The following LIN7A variants were observed in gnomAD, a reference collection of about 807,000 sequenced individuals.
LIN7A encodes protein lin-7 homolog A.
Under a neutral mutation model 29.8 loss-of-function variants are expected in LIN7A, and 25 were observed. The ratio of observed to expected loss-of-function variants is 0.84; its 90% CI spans 0.61 to 1.17. LIN7A has a LOEUF of 1.17. Among genes scored for constraint, LIN7A ranks in the 50% most tolerant of loss-of-function variants. The probability of loss-of-function intolerance (pLI) is 0.00; values close to 1 mark genes in which losing one functional copy is unlikely to be tolerated. For missense variants in LIN7A, 239 were observed against 287.0 expected (o/e 0.83, Z 1.21); for synonymous variants, 118 against 107.5 (o/e 1.10, Z -0.60).
chr12:80,834,136 G>C, intron 4 of LIN7A, among the ~76,000 whole-genome samples: 2 of 152,186 alleles, frequency 1.3e-5, no homozygotes, highest in South Asian at 4.2e-4. Flanking sequence ...CATTTTACTC[G>C]ATTTTTAAGT....
At chr12:80,928,504 A>C (rs1877725675) in intron 1 of LIN7A, among the ~76,000 whole-genome samples, 1 of 152,112 alleles carries the variant, frequency 6.6e-6, no homozygotes, top group Non-Finnish European at 1.5e-5. Context: ...TCTTTTGAGG[A>C]ATGTCTGTTC....
intron 1 of LIN7A, among the ~76,000 whole-genome samples, chr12:80,927,955 G>T (rs568981531): frequency 2.0e-4 from 31 of 152,240 alleles, no homozygotes; most frequent in African/African-American, 7.2e-4. Flanking sequence ...AGAATATGCG[G>T]TGTTTGGTTT....
intron 2 of LIN7A, among the ~76,000 whole-genome samples, chr12:80,886,185 A>G (rs3782156): frequency 0.04 from 5,449 of 136,552 alleles, 263 homozygotes; most frequent in Admixed American, 0.17. Context: ...TTATTTGAAT[A>G]AAAAACTAAA....
At chr12:80,813,177 A>AT (rs1242739819) in intron 4 of LIN7A, among the ~76,000 whole-genome samples, 6 of 151,770 alleles carry the variant, frequency 4.0e-5, no homozygotes, top group Admixed American at 6.6e-5. Flanking sequence ...CGCCCAGCTA[A>AT]TTTTTTTCTA....
intron 4 of LIN7A, among the ~76,000 whole-genome samples, chr12:80,822,683 T>G (rs1871866935): frequency 6.8e-6 from 1 of 146,764 alleles, no homozygotes; most frequent in African/African-American, 2.7e-5. Context: ...GAGATTTGGG[T>G]GGGGACACAG....
Position 80,893,727 on chromosome 12 carries a change from G to A in LIN7A, c.83-4358C>T, listed in dbSNP as rs543273301. On this transcript the variant is annotated intron_variant, in intron 1 of 5. Coordinates refer to ENST00000552864, the MANE Select transcript of LIN7A (RefSeq NM_004664.4). ...AAGGGAGGCTAGCATCTCTTTCCTC[G>A]TGGCATAGGCAATGAACTTGGTGAC... 1.4e-4 allele frequency among the ~76,000 whole-genome samples: 21 copies of A among 152,278 alleles called. No homozygotes were observed. The East Asian group carries it at 2.5e-3, about 18-fold the overall frequency.
chr12:80,894,186 T>C (rs1920989), intron 1 of LIN7A, among the ~76,000 whole-genome samples: 103,525 of 152,118 alleles, frequency 0.68, 39,185 homozygotes, highest in Non-Finnish European at 0.87. Flanking sequence ...CTTAGGTTCT[T>C]GTTCAGAACC....
At chr12:80,882,316 G>A (rs1456938558) in intron 2 of LIN7A, among the ~76,000 whole-genome samples, 1 of 47,410 alleles carries the variant, frequency 2.1e-5, no homozygotes, top group African/African-American at 4.4e-5. Flanking sequence ...ACGGAGTCTC[G>A]CTCTGTCGCC....
At chr12:80,821,749 G>T (rs77706968) in intron 4 of LIN7A, among the ~76,000 whole-genome samples, 14,955 of 152,242 alleles carry the variant, frequency 0.098, 794 homozygotes, top group East Asian at 0.19. Flanking sequence ...CCACCCTCTT[G>T]GGCTCAGCTG....
At chr12:80,820,145 A>G (rs1871727087) in intron 4 of LIN7A, among the ~76,000 whole-genome samples, 1 of 152,194 alleles carries the variant, frequency 6.6e-6, no homozygotes, top group East Asian at 1.9e-4. Flanking sequence ...TCCCTCAACA[A>G]TGTCGCGCTC....
intron 1 of LIN7A, among the ~76,000 whole-genome samples, chr12:80,916,956 G>A (rs1877058916): frequency 1.3e-5 from 2 of 152,190 alleles, no homozygotes; most frequent in South Asian, 4.1e-4. Flanking sequence ...TTAAGTAGAA[G>A]AGGAAGGCTA....
rs1177611479 is a variant in LIN7A, at chr12:80,792,753, TG to T, written c.*4973del. ...TTATAAGCCCTTACATCAGGGATTTTGTTTCTTTCAGTTTTTGTAGCACCAA... is the reference window on the plus strand; with the variant it reads ...TTATAAGCCCTTACATCAGGGATTTTTTTCTTTCAGTTTTTGTAGCACCAA... On this transcript the variant is annotated 3_prime_UTR_variant, in exon 6 of 6. Transcript: ENST00000552864. The T allele has an allele frequency of 3.9e-5, 6 of 152,216 alleles. No individual in the cohort carries two copies. Among genetic ancestry groups the T allele is most frequent in the Non-Finnish European group, 7.3e-5 (5 of 68,030 alleles). The allele number at this position is 152,216 out of a possible 1,614,324, so 9.4% of individuals were successfully genotyped here.
Position 80,822,945 on chromosome 12 carries a change from C to T in LIN7A, c.484-11262G>A, listed in dbSNP as rs151308448. Among the ~76,000 whole-genome samples, 75 of 152,256 alleles carry T rather than the reference C, an allele frequency of 4.9e-4. No homozygotes were observed. The East Asian group carries it at 0.014, about 29-fold the overall frequency. On this transcript the variant is annotated intron_variant, in intron 4 of 5. Transcript: ENST00000552864. ...CGGACCAGAGTGAGAACTTATGGTG[C>T]TTTCTCTTGGTCTGCCTATGGACCA...
At chr12:80,923,122 A>G (rs1565930738) in intron 1 of LIN7A, among the ~76,000 whole-genome samples, 1 of 152,198 alleles carries the variant, frequency 6.6e-6, no homozygotes, top group Non-Finnish European at 1.5e-5. Context: ...TAAAACAAAA[A>G]GGCAGAAGAA....
chr12:80,831,737 C>T (rs572782680), intron 4 of LIN7A, among the ~76,000 whole-genome samples: 7 of 152,324 alleles, frequency 4.6e-5, no homozygotes, highest in East Asian at 1.9e-4. Context: ...TAATAAAACA[C>T]GACTCATGTG....
chr12:80,889,493 A>G, intron 1 of LIN7A, 124 bp from the exon 2 acceptor site: 1 of 630,656 alleles, frequency 1.6e-6, no homozygotes, highest in Non-Finnish European at 2.8e-6. Flanking sequence ...CATAATCAGA[A>G]CTTATATTCA....
At chr12:80,867,075 C>G (rs928053148) in intron 2 of LIN7A, among the ~76,000 whole-genome samples, 2 of 152,092 alleles carry the variant, frequency 1.3e-5, no homozygotes, top group Admixed American at 1.3e-4. Flanking sequence ...GCCTCGCCCC[C>G]CAAGTAGCTG....
At chr12:80,827,793 T>A (rs1385427407) in intron 4 of LIN7A, among the ~76,000 whole-genome samples, 1 of 152,224 alleles carries the variant, frequency 6.6e-6, no homozygotes, top group Non-Finnish European at 1.5e-5. Context: ...TGTCACTTTC[T>A]TGCTCAAAAT....
intron 1 of LIN7A, among the ~76,000 whole-genome samples, chr12:80,922,617 G>C (rs1877374548): frequency 6.6e-6 from 1 of 152,180 alleles, no homozygotes; most frequent in South Asian, 2.1e-4. Flanking sequence ...ATCTGAGATA[G>C]TTAATTTTAA....
Sources: gnomAD v4.1 joint callset for allele counts (sites outside exome capture counted in the v4.1 genomes callset) on GRCh38, gnomAD v4.1.1 for gene constraint, MANE v1.5 for transcripts, NCBI Gene and HGNC (gene_info 2026-07-23, HGNC 2026-07-21) for gene names.